The following IRAK3 variants were observed in gnomAD, a reference collection of about 807,000 sequenced individuals.
IRAK3 encodes the protein interleukin 1 receptor associated kinase 3, also known as interleukin-1 receptor-associated kinase 3.
In IRAK3, 57 loss-of-function variants were observed where a neutral mutation model predicts 56.6. The ratio of observed to expected loss-of-function variants is 1.01; its 90% CI spans 0.81 to 1.26. IRAK3 has a LOEUF of 1.26. IRAK3 is among the 50% of genes most tolerant of loss of function. The pLI, the probability that IRAK3 is intolerant of heterozygous loss-of-function variation, is 0.00. For missense variants in IRAK3, 703 were observed against 719.0 expected (o/e 0.98, Z 0.25); for synonymous variants, 258 against 255.7 (o/e 1.01, Z -0.09).
Position 66,250,244 on chromosome 12 carries a change from C to T in IRAK3, c.*2073C>T, listed in dbSNP as rs949819160. 2.6e-5 allele frequency: 4 copies of T among 152,190 alleles called. No individual in the cohort carries two copies. Among genetic ancestry groups the T allele is most frequent in the African/African-American group, 9.7e-5 (4 of 41,442 alleles). The allele number at this position is 152,190 out of a possible 1,614,324, so 9.4% of individuals were successfully genotyped here. A position where few individuals can be genotyped will look rare whatever the true frequency, so the allele number is the denominator to read the frequency against. On this transcript the variant is annotated 3_prime_UTR_variant, in exon 12 of 12. Coordinates refer to ENST00000261233, the MANE Select transcript of IRAK3 (RefSeq NM_007199.3). ...GAGCTTGTAATAGAAGGGTAAACCT[C>T]TAGTTTCTTGTCCAGCAGAGGAATA...
At chr12:66,225,944 G>A (rs941477433) in intron 6 of IRAK3, among the ~76,000 whole-genome samples, 3 of 152,322 alleles carry the variant, frequency 2.0e-5, no homozygotes, top group African/African-American at 7.2e-5. Context: ...TGCTCAATAA[G>A]TGGATGAATG....
chr12:66,228,557 C>G (rs1298981486), intron 8 of IRAK3, among the ~76,000 whole-genome samples, 187 bp downstream of exon 8: 2 of 152,052 alleles, frequency 1.3e-5, no homozygotes, highest in Admixed American at 6.6e-5. Flanking sequence ...ATTTAAAAAG[C>G]TATATGTATG....
chr12:66,234,488 C>T, intron 8 of IRAK3: 1 of 1,611,712 alleles, frequency 6.2e-7, no homozygotes, highest in Non-Finnish European at 8.5e-7. Context: ...AGGATAAAAT[C>T]CGTTTTGTAT....
At chr12:66,202,671 AGT>A (rs2052520216) in intron 1 of IRAK3, among the ~76,000 whole-genome samples, 2 of 151,880 alleles carry the variant, frequency 1.3e-5, no homozygotes. Context: ...ATGGTGGTGC[AGT>A]GCACACCTGT....
At chr12:66,192,990 G>A (rs2052413284) in intron 1 of IRAK3, among the ~76,000 whole-genome samples, 1 of 151,846 alleles carries the variant, frequency 6.6e-6, no homozygotes, top group Admixed American at 6.6e-5. Flanking sequence ...ATTTTAAATA[G>A]ATGTGTTTTT....
At chr12:66,234,334 C>T in intron 8 of IRAK3, 1 of 1,612,650 alleles carries the variant, frequency 6.2e-7, no homozygotes, top group Non-Finnish European at 8.5e-7. Flanking sequence ...AGGGAGTTAA[C>T]ACGGCACCGG....
chr12:66,241,289 A>T (rs550582621), intron 8 of IRAK3, among the ~76,000 whole-genome samples: 1 of 152,338 alleles, frequency 6.6e-6, no homozygotes, highest in South Asian at 2.1e-4. Flanking sequence ...AATCGATTGT[A>T]GAAGCATGAA....
At position 66,196,871 on chromosome 12, in the gene IRAK3, C is replaced by T. The variant is rs1472318506; in HGVS notation, c.134-6840C>T. 11 of 1,502,254 alleles carry T rather than the reference C, an allele frequency of 7.3e-6. No homozygotes were observed. In the Middle Eastern group the frequency reaches 7.0e-4, roughly 95 times the overall value. The allele number at this position is 1,502,254 out of a possible 1,614,324, so 93.1% of individuals were successfully genotyped here. On this transcript the variant is annotated intron_variant, in intron 1 of 11. Transcript: ENST00000261233. ...AAAGAAAGAGACATCTTTCCTTTTTCCCTTACAGTGTCTAAAAACAAGCTT... is the reference window on the plus strand; with the variant it reads ...AAAGAAAGAGACATCTTTCCTTTTTTCCTTACAGTGTCTAAAAACAAGCTT...
intron 1 of IRAK3, among the ~76,000 whole-genome samples, chr12:66,190,387 G>GAAA (rs35465959): frequency 6.8e-6 from 1 of 146,978 alleles, no homozygotes; most frequent in African/African-American, 2.5e-5. Flanking sequence ...TGGCCCTTAA[G>GAAA]AAAAAAAAAA....
chr12:66,190,575 T>C (rs1482915975), intron 1 of IRAK3, among the ~76,000 whole-genome samples: 2 of 152,196 alleles, frequency 1.3e-5, no homozygotes, highest in Admixed American at 6.5e-5. Flanking sequence ...CAGTTTAATG[T>C]TGGTGAATGG....
intron 7 of IRAK3, 55 bp downstream of exon 7, chr12:66,226,892 A>T: frequency 9.2e-7 from 1 of 1,086,356 alleles, no homozygotes; most frequent in Non-Finnish European, 1.4e-6. Context: ...TCCCTGGGAG[A>T]GCTGCTGAAA....
At chr12:66,244,342 T>C in intron 8 of IRAK3, 144 bp from the exon 9 acceptor site, 1 of 658,272 alleles carries the variant, frequency 1.5e-6, no homozygotes, top group Admixed American at 2.5e-5. Context: ...AAGAATGTTC[T>C]CCAGTTCATG....
At chr12:66,239,047 T>C (rs970450652) in intron 8 of IRAK3, among the ~76,000 whole-genome samples, 3 of 152,226 alleles carry the variant, frequency 2.0e-5, no homozygotes, top group Admixed American at 6.5e-5. Flanking sequence ...GTGAGCTTAA[T>C]TGTTTTCACA....
chr12:66,248,251 C>T lies in IRAK3; in HGVS notation c.*80C>T. 1.0e-6 allele frequency: 1 copy of T among 954,878 alleles called. No individual in the cohort carries two copies. Among genetic ancestry groups the T allele is most frequent in the East Asian group, 2.4e-5 (1 of 41,954 alleles). The allele number at this position is 954,878 out of a possible 1,614,324, so 59.2% of individuals were successfully genotyped here. On this transcript the variant is annotated 3_prime_UTR_variant, in exon 12 of 12. Transcript: ENST00000261233. ...GTATGACCTTGGGAAGACATTGGCTCCATAAGCAATGCCAAGAGAATGATC... is the reference window on the plus strand; with the variant it reads ...GTATGACCTTGGGAAGACATTGGCTTCATAAGCAATGCCAAGAGAATGATC...
chr12:66,244,929 TTCTA>T lies in IRAK3; in HGVS notation c.1087-17_1087-14del. ...ATATTTTTAAGATATATAGCTGACT[TTCTA>T]TATATTCCTTGTAGGTAATAATGGA... is the stretch of plus-strand genomic sequence containing the variant. On this transcript the variant is annotated splice_polypyrimidine_tract_variant and intron_variant, in intron 9 of 11. Transcript: ENST00000261233. 6.4e-7 allele frequency: 1 copy of T among 1,569,832 alleles called. No individual in the cohort carries two copies. Among genetic ancestry groups the T allele is most frequent in the Non-Finnish European group, 8.8e-7 (1 of 1,139,928 alleles).
Position 66,228,277 on chromosome 12 carries a change from A to G in IRAK3, c.794A>G (p.His265Arg). 6.2e-7 allele frequency: 1 copy of G among 1,614,148 alleles called. No homozygotes were observed. ...CVGDTAPLPW[H>R]IRIGILIGIS... The stretch of plus-strand genomic sequence containing the variant: ...GGTGACACGGCCCCACTCCCTTGGC[A>G]CATTCGAATCGGTATATTAATAGGA... The change falls in exon 8 of 12, where the codon CAC becomes CGC. Residue 265 changes from histidine to arginine, a missense_variant. Physicochemically the swap from His to Arg is conservative, Grantham distance 29 (BLOSUM62 0). Coordinates refer to ENST00000261233, the MANE Select transcript of IRAK3 (RefSeq NM_007199.3).
At chr12:66,237,581 T>A (rs2052921630) in intron 8 of IRAK3, among the ~76,000 whole-genome samples, 1 of 152,136 alleles carries the variant, frequency 6.6e-6, no homozygotes, top group South Asian at 2.1e-4. Flanking sequence ...TGGGGCTAGG[T>A]GTTAGTTCTG....
In IRAK3 at chr12:66,196,302, T is replaced by C. The variant is rs1385020478; in HGVS notation, c.133+6870T>C. On this transcript the variant is annotated intron_variant, in intron 1 of 11. Transcript: ENST00000261233. ...AATGTCTATTAAAAACCTTGTTGGG[T>C]TGTCTATTAAAAACCTTGTTGGGCA... Among the ~76,000 whole-genome samples, 4 of 152,132 alleles carry C rather than the reference T, an allele frequency of 2.6e-5. No homozygotes were observed. The East Asian group carries it at 7.7e-4, about 29-fold the overall frequency.
At chr12:66,197,786 TTCCAGCTGAA>T in intron 1 of IRAK3, 1 of 985,422 alleles carries the variant, frequency 1.0e-6, no homozygotes, top group Non-Finnish European at 1.2e-6. Context: ...TTCATTCATA[TTCCAGCTGAA>T]TCTCAGAAAT....
Sources: gnomAD v4.1 joint callset for allele counts (sites outside exome capture counted in the v4.1 genomes callset) on GRCh38, gnomAD v4.1.1 for gene constraint, MANE v1.5 for transcripts, NCBI Gene and HGNC (gene_info 2026-07-23, HGNC 2026-07-21) for gene names.